The following MBOAT2 variants were observed in gnomAD, a reference collection of about 807,000 sequenced individuals.
MBOAT2 encodes the protein membrane bound glycerophospholipid O-acyltransferase 2, also known as membrane-bound glycerophospholipid O-acyltransferase 2.
MBOAT2 carries 28 observed loss-of-function variants against 63.4 expected under a neutral mutation model. The ratio of observed to expected loss-of-function variants is 0.44; its 90% CI spans 0.33 to 0.61. The LOEUF (loss-of-function observed/expected upper bound fraction) is 0.61. Ranked by LOEUF, MBOAT2 falls within the 20% of genes least tolerant of loss-of-function variation. MBOAT2 has a pLI of 0.03. For synonymous variants in MBOAT2, 211 were observed against 215.6 expected (o/e 0.98, Z 0.19); for missense variants, 470 against 605.8 (o/e 0.78, Z 2.35).
chr2:8,932,059 T>C (rs1667358030), intron 3 of MBOAT2, among the ~76,000 whole-genome samples: 1 of 152,220 alleles, frequency 6.6e-6, no homozygotes, highest in Admixed American at 6.5e-5. Flanking sequence ...TTCAGGTTCT[T>C]AGCTATTGCC....
At chr2:8,982,705 T>C (rs149341704) in intron 1 of MBOAT2, among the ~76,000 whole-genome samples, 2 of 152,292 alleles carry the variant, frequency 1.3e-5, no homozygotes, top group East Asian at 3.9e-4. Flanking sequence ...TCTGAGTTTA[T>C]TCATTCATTC....
intron 1 of MBOAT2, among the ~76,000 whole-genome samples, chr2:8,971,484 C>G (rs1670453273): frequency 6.6e-6 from 1 of 152,204 alleles, no homozygotes; most frequent in Admixed American, 6.5e-5. Flanking sequence ...TCTCACCACT[C>G]CTATTCAACA....
chr2:8,977,214 T>C (rs1670879930), intron 1 of MBOAT2, among the ~76,000 whole-genome samples: 1 of 152,140 alleles, frequency 6.6e-6, no homozygotes, highest in East Asian at 1.9e-4. Flanking sequence ...TCAATAAAGC[T>C]GTTTAAATTT....
At chr2:8,875,412 A>G (rs1662633505) in intron 7 of MBOAT2, among the ~76,000 whole-genome samples, 1 of 152,256 alleles carries the variant, frequency 6.6e-6, no homozygotes, top group Admixed American at 6.5e-5. Context: ...AACTCAGTGA[A>G]GTGATAGAAT....
chr2:8,878,883 C>T (rs1019151002), intron 6 of MBOAT2, among the ~76,000 whole-genome samples: 308 of 151,862 alleles, frequency 2.0e-3, no homozygotes, highest in African/African-American at 7.0e-3. Flanking sequence ...GAGACCATCC[C>T]AGCTAAAACG....
Position 8,984,347 on chromosome 2 carries a change from G to A in MBOAT2, c.75+19193C>T, listed in dbSNP as rs924627100. 1.3e-5 allele frequency among the ~76,000 whole-genome samples: 2 copies of A among 152,242 alleles called. 1 individual carries two copies. The highest frequency in any genetic ancestry group is 4.2e-4 in the South Asian group (2 of 4,818). ...CACTGTGAATATACTTATCACTACTGAGCTGTGTGCACTTAAAGATGGTTA... is the reference window on the plus strand; with the variant it reads ...CACTGTGAATATACTTATCACTACTAAGCTGTGTGCACTTAAAGATGGTTA... On this transcript the variant is annotated intron_variant, in intron 1 of 12. Transcript: ENST00000305997.
intron 1 of MBOAT2, among the ~76,000 whole-genome samples, chr2:8,998,077 A>C (rs539680319): frequency 6.6e-6 from 1 of 152,358 alleles, no homozygotes; most frequent in Admixed American, 6.5e-5. Flanking sequence ...CAGCTTTATC[A>C]GTTAATAAGA....
intron 4 of MBOAT2, 103 bp downstream of exon 4, chr2:8,908,518 T>C (rs975934605): frequency 4.8e-6 from 3 of 628,586 alleles, no homozygotes; most frequent in Admixed American, 3.2e-5. Flanking sequence ...AAATGTTTAA[T>C]AATAGCTTTT....
intron 1 of MBOAT2, among the ~76,000 whole-genome samples, chr2:8,981,835 T>C (rs1168018888): frequency 1.3e-5 from 2 of 152,156 alleles, no homozygotes; most frequent in Non-Finnish European, 2.9e-5. Flanking sequence ...ACAAACTATT[T>C]CCATATTTAA....
At position 8,873,040 on chromosome 2, in the gene MBOAT2, A is replaced by G. The variant is rs538603010; in HGVS notation, c.883+68T>C. The G allele has an allele frequency of 6.3e-6, 9 of 1,435,730 alleles. No individual in the cohort carries two copies. In the East Asian group the frequency reaches 2.1e-4, roughly 33 times the overall value. The allele number at this position is 1,435,730 out of a possible 1,614,324, so 88.9% of individuals were successfully genotyped here. ...TGTATCCTCAAGAGGGCGCACTGATAGCAATCTATCGACAAGGTAAGAAAC... is the reference window on the plus strand; with the variant it reads ...TGTATCCTCAAGAGGGCGCACTGATGGCAATCTATCGACAAGGTAAGAAAC... On this transcript the variant is annotated intron_variant, in intron 8 of 12. Transcript: ENST00000305997.
chr2:8,981,411 T>C (rs981312651), intron 1 of MBOAT2, among the ~76,000 whole-genome samples: 1 of 152,200 alleles, frequency 6.6e-6, no homozygotes, highest in Admixed American at 6.5e-5. Flanking sequence ...CAAATATGTC[T>C]GATCAAGATG....
chr2:8,878,385 AC>A (rs1572945590), intron 6 of MBOAT2, among the ~76,000 whole-genome samples: 1 of 152,234 alleles, frequency 6.6e-6, no homozygotes, highest in East Asian at 1.9e-4. Context: ...AGAAAGCACA[AC>A]TGCACCTGTG....
At chr2:8,966,614 G>A (rs534950192) in intron 1 of MBOAT2, among the ~76,000 whole-genome samples, 1 of 152,248 alleles carries the variant, frequency 6.6e-6, no homozygotes, top group African/African-American at 2.4e-5. Context: ...AGATGATAGG[G>A]CCCAAAGGCA....
intron 1 of MBOAT2, among the ~76,000 whole-genome samples, chr2:8,971,685 C>T (rs990250585): frequency 1.3e-5 from 2 of 152,170 alleles, no homozygotes; most frequent in African/African-American, 4.8e-5. Flanking sequence ...GATACAAAAT[C>T]AATGTGCAAA....
intron 3 of MBOAT2, among the ~76,000 whole-genome samples, chr2:8,932,479 T>C (rs1237417821): frequency 1.4e-4 from 21 of 152,222 alleles, no homozygotes; most frequent in Admixed American, 1.4e-3. Context: ...TTTGAAAAAG[T>C]AAACCAAGAT....
chr2:8,969,168 A>C (rs1373266407), intron 1 of MBOAT2, among the ~76,000 whole-genome samples: 1 of 152,282 alleles, frequency 6.6e-6, no homozygotes, highest in South Asian at 2.1e-4. Context: ...CTAACAGCGG[A>C]TCTCTCGGCA....
intron 1 of MBOAT2, among the ~76,000 whole-genome samples, chr2:8,971,447 A>G (rs1411112415): frequency 3.3e-5 from 5 of 152,222 alleles, no homozygotes; most frequent in African/African-American, 1.2e-4. Flanking sequence ...TTCCCTTTGA[A>G]AACTGGCACA....
Position 9,003,424 on chromosome 2 carries a change from G to A in MBOAT2, c.75+116C>T, listed in dbSNP as rs1158898983. The A allele has an allele frequency of 2.0e-6, 1 of 498,016 alleles. No individual in the cohort carries two copies. Among genetic ancestry groups the A allele is most frequent in the African/African-American group, 2.1e-5 (1 of 48,394 alleles). 30.8% of individuals were successfully genotyped at this position (498,016 alleles called of 1,614,324 possible). On this transcript the variant is annotated intron_variant, in intron 1 of 12. Transcript: ENST00000305997. This position sits in a 1 kb window ranked among gnomAD's most constrained non-coding sequence, Gnocchi z 5.4. ...CCTTCCAGGGAGCGGCGGGTAGGGG[G>A]GCACCGGGCGCCCGGCCCCAGCCCC...
chr2:8,889,582 G>A (rs576939643), intron 4 of MBOAT2, among the ~76,000 whole-genome samples: 3 of 152,252 alleles, frequency 2.0e-5, no homozygotes, highest in South Asian at 2.1e-4. Context: ...TCAAGCCCTT[G>A]AAAATGATAA....
Sources: allele counts gnomAD v4.1 joint callset (sites outside exome capture counted in the v4.1 genomes callset), GRCh38; gene constraint gnomAD v4.1.1; non-coding constraint Gnocchi (gnomAD v3.1); transcripts MANE v1.5; gene names NCBI Gene and HGNC (gene_info 2026-07-23, HGNC 2026-07-21).